Variants in KCNK3 observed in about 807,000 individuals in gnomAD.
KCNK3 encodes potassium two pore domain channel subfamily K member 3, also known as potassium channel subfamily K member 3.
In KCNK3, 9 loss-of-function variants were observed where a neutral mutation model predicts 27.3. That is an observed-to-expected ratio of 0.33 (90% CI 0.20 to 0.57). The LOEUF (loss-of-function observed/expected upper bound fraction) is 0.57. KCNK3 is among the 20% of genes least tolerant of loss of function. KCNK3 has a pLI of 0.87. For synonymous variants in KCNK3, 278 were observed against 273.8 expected (o/e 1.02, Z -0.15); for missense variants, 391 against 577.7 (o/e 0.68, Z 3.31).
chr2:26,711,903 C>T (rs532989172), intron 1 of KCNK3, among the ~76,000 whole-genome samples: 1 of 152,224 alleles, frequency 6.6e-6, no homozygotes, highest in East Asian at 1.9e-4. Flanking sequence ...TAAGCTGCAG[C>T]TGGGGGGAGC....
intron 1 of KCNK3, among the ~76,000 whole-genome samples, chr2:26,697,831 C>G (rs922445150): frequency 6.6e-6 from 1 of 152,146 alleles, no homozygotes; most frequent in Non-Finnish European, 1.5e-5. Context: ...CGTCACCCAC[C>G]ACATGGCCTG....
At chr2:26,722,986 A>G (rs186960571) in intron 1 of KCNK3, among the ~76,000 whole-genome samples, 62 of 152,364 alleles carry the variant, frequency 4.1e-4, no homozygotes, top group African/African-American at 1.4e-3. Flanking sequence ...GATCAGGGTC[A>G]GGTCAGACCC....
intron 1 of KCNK3, among the ~76,000 whole-genome samples, chr2:26,708,474 G>A (rs1670402560): frequency 6.6e-6 from 1 of 152,154 alleles, no homozygotes; most frequent in African/African-American, 2.4e-5. Flanking sequence ...AGGAGTTTGA[G>A]ACCAGCCTGG....
At chr2:26,714,384 G>C (rs150163711) in intron 1 of KCNK3, among the ~76,000 whole-genome samples, 5 of 150,882 alleles carry the variant, frequency 3.3e-5, no homozygotes, top group African/African-American at 9.8e-5. Flanking sequence ...ACACCACCCC[G>C]CCCAGTGAGC....
chr2:26,704,024 C>G (rs1337817638), intron 1 of KCNK3, among the ~76,000 whole-genome samples: 1 of 152,118 alleles, frequency 6.6e-6, no homozygotes, highest in Non-Finnish European at 1.5e-5. Context: ...TGAGTCCTGA[C>G]CAGTGAATGC....
At chr2:26,714,684 G>A (rs1333511011) in intron 1 of KCNK3, among the ~76,000 whole-genome samples, 3 of 151,468 alleles carry the variant, frequency 2.0e-5, no homozygotes, top group Admixed American at 2.0e-4. Context: ...TCAGGAGTTC[G>A]AGACCAGCCT....
At chr2:26,707,705 A>G (rs534103162) in intron 1 of KCNK3, among the ~76,000 whole-genome samples, 2 of 152,350 alleles carry the variant, frequency 1.3e-5, no homozygotes, top group African/African-American at 4.8e-5. Context: ...GTAGAGGCTC[A>G]GGCAGACAGC....
intron 1 of KCNK3, among the ~76,000 whole-genome samples, chr2:26,707,251 C>T (rs1391361303): frequency 1.3e-5 from 2 of 152,160 alleles, no homozygotes; most frequent in African/African-American, 4.8e-5. Context: ...GTCAGCTGCT[C>T]ACGGCTCCCA....
intron 1 of KCNK3, among the ~76,000 whole-genome samples, chr2:26,694,618 C>G (rs1558593077): frequency 2.0e-5 from 3 of 152,070 alleles, no homozygotes; most frequent in South Asian, 2.1e-4. Flanking sequence ...TGGGGCACCT[C>G]TGGGTCCTAC....
At position 26,728,852 on chromosome 2, in the gene KCNK3, T is replaced by G. The variant is rs1663483367; in HGVS notation, c.*284T>G. ...AGAAGCTGGGAGCCTCCCTTCCCTT[T>G]GAAAATCTAAGAAGCTCCCAGTCCT... On this transcript the variant is annotated 3_prime_UTR_variant, in exon 2 of 2. Coordinates refer to ENST00000302909, the MANE Select transcript of KCNK3 (RefSeq NM_002246.3). The G allele has an allele frequency of 5.6e-6, 2 of 355,142 alleles. No individual in the cohort carries two copies. The highest frequency in any genetic ancestry group is 1.0e-5 in the Non-Finnish European group (2 of 198,492). The allele number at this position is 355,142 out of a possible 1,614,324, so 22.0% of individuals were successfully genotyped here. A position where few individuals can be genotyped will look rare whatever the true frequency, so the allele number is the denominator to read the frequency against.
chr2:26,708,017 G>A (rs1670396667), intron 1 of KCNK3, among the ~76,000 whole-genome samples: 1 of 152,140 alleles, frequency 6.6e-6, no homozygotes, highest in Admixed American at 6.5e-5. Flanking sequence ...GACTCAGCAG[G>A]GAAAAAGAGC....
At chr2:26,705,156 G>A (rs1285551738) in intron 1 of KCNK3, among the ~76,000 whole-genome samples, 1 of 152,028 alleles carries the variant, frequency 6.6e-6, no homozygotes, top group Non-Finnish European at 1.5e-5. Context: ...GTAGAGACAG[G>A]GTCTTTCTAT....
intron 1 of KCNK3, among the ~76,000 whole-genome samples, chr2:26,711,125 C>CTT (rs1337948707): frequency 6.6e-6 from 1 of 152,190 alleles, no homozygotes; most frequent in Non-Finnish European, 1.5e-5. Context: ...CTGTGGCAAG[C>CTT]AGGTGGGCTG....
At chr2:26,711,785 AG>A (rs1414513068) in intron 1 of KCNK3, among the ~76,000 whole-genome samples, 4 of 152,212 alleles carry the variant, frequency 2.6e-5, no homozygotes, top group Admixed American at 6.5e-5. Context: ...ATTGGAGAGG[AG>A]GATCAGTGAC....
chr2:26,709,295 A>G (rs1487319291), intron 1 of KCNK3, among the ~76,000 whole-genome samples: 2 of 152,178 alleles, frequency 1.3e-5, no homozygotes, highest in Non-Finnish European at 2.9e-5. Context: ...ATAATATTGA[A>G]AGTCATGCGC....
At chr2:26,705,950 G>C (rs1175471291) in intron 1 of KCNK3, among the ~76,000 whole-genome samples, 1 of 152,174 alleles carries the variant, frequency 6.6e-6, no homozygotes, top group African/African-American at 2.4e-5. Context: ...GCTGGAACCA[G>C]AGTCATGGGT....
intron 1 of KCNK3, among the ~76,000 whole-genome samples, chr2:26,705,384 C>T (rs752879969): frequency 2.6e-5 from 4 of 152,156 alleles, no homozygotes; most frequent in Non-Finnish European, 4.4e-5. Context: ...ACTCGGTCAT[C>T]GAGTGTCTCT....
At position 26,728,611 on chromosome 2, in the gene KCNK3, A is replaced by T; in HGVS notation, c.*43A>T. On this transcript the variant is annotated 3_prime_UTR_variant, in exon 2 of 2. Coordinates refer to ENST00000302909, the MANE Select transcript of KCNK3 (RefSeq NM_002246.3). Reference sequence around the variant, plus strand: ...GAGCACCTGGGGGCGCGGGCGGGGGACCCCTGCTGGGAGGCCAGGAGACTG... The same window carrying T: ...GAGCACCTGGGGGCGCGGGCGGGGGTCCCCTGCTGGGAGGCCAGGAGACTG... The T allele has an allele frequency of 7.2e-7, 1 of 1,387,082 alleles. No homozygotes were observed. Among genetic ancestry groups the T allele is most frequent in the South Asian group, 1.7e-5 (1 of 59,760 alleles). The allele number at this position is 1,387,082 out of a possible 1,614,324, so 85.9% of individuals were successfully genotyped here.
intron 1 of KCNK3, among the ~76,000 whole-genome samples, chr2:26,718,710 G>A (rs188286889): frequency 1.2e-4 from 18 of 152,182 alleles, no homozygotes; most frequent in African/African-American, 4.3e-4. Flanking sequence ...CCGGGCTCAA[G>A]GGATCCTCCC....
Sources: gnomAD v4.1 joint callset for allele counts (sites outside exome capture counted in the v4.1 genomes callset) on GRCh38, gnomAD v4.1.1 for gene constraint, MANE v1.5 for transcripts, NCBI Gene and HGNC (gene_info 2026-07-23, HGNC 2026-07-21) for gene names.